The following DDX43 variants were observed in gnomAD, a reference collection of about 807,000 sequenced individuals.
The protein encoded by DDX43 is probable ATP-dependent RNA helicase DDX43.
Under a neutral mutation model 84.9 loss-of-function variants are expected in DDX43, and 50 were observed. The observed-to-expected ratio is 0.59, with a 90% CI of 0.47 to 0.75. The LOEUF (loss-of-function observed/expected upper bound fraction) is 0.75. Ranked by LOEUF, DDX43 falls within the 30% of genes least tolerant of loss-of-function variation. The pLI is 0.00. For synonymous variants in DDX43, 291 were observed against 266.3 expected (o/e 1.09, Z -0.90); for missense variants, 689 against 798.6 (o/e 0.86, Z 1.65).
In DDX43 at chr6:73,415,578, A is replaced by C; in HGVS notation, c.1827A>C (p.Ala609=). The change falls in exon 15 of 17, where the codon GCA becomes GCC. Residue 609 remains alanine, a synonymous_variant. Coordinates refer to ENST00000370336, the MANE Select transcript of DDX43 (RefSeq NM_018665.3). ...ASELINILER[A]NQSIPEELVS... ...AATTGATTAATATTCTGGAAAGAGC[A>C]AATCAGGTGAGACTATGCAATTCAT... 1 of 1,607,964 alleles carries C rather than the reference A, an allele frequency of 6.2e-7. No individual in the cohort carries two copies. The highest frequency in any genetic ancestry group is 8.5e-7 in the Non-Finnish European group (1 of 1,174,976).
At chr6:73,408,770 G>C (rs901562612) in intron 9 of DDX43, among the ~76,000 whole-genome samples, 1 of 151,978 alleles carries the variant, frequency 6.6e-6, no homozygotes, top group Non-Finnish European at 1.5e-5. Flanking sequence ...TGGCCAGGCT[G>C]GTCTTAAACT....
At chr6:73,415,690 A>T in intron 15 of DDX43, 106 bp downstream of exon 15, 1 of 798,648 alleles carries the variant, frequency 1.3e-6, no homozygotes, top group Non-Finnish European at 2.0e-6. Flanking sequence ...ATAAGTTTTC[A>T]TCACGTTTTG....
intron 10 of DDX43, among the ~76,000 whole-genome samples, chr6:73,411,787 T>C (rs1769789329): frequency 1.3e-5 from 2 of 152,154 alleles, no homozygotes; most frequent in Non-Finnish European, 2.9e-5. Flanking sequence ...AACCTCCGCC[T>C]CCTGGGCTCA....
In DDX43 at chr6:73,394,894, C is replaced by T; in HGVS notation, c.-12C>T. 6.2e-7 allele frequency: 1 copy of T among 1,613,574 alleles called. No homozygotes were observed. The highest frequency in any genetic ancestry group is 8.5e-7 in the Non-Finnish European group (1 of 1,179,594). ...GACGGCAACGACGTCGGACGCGCCC[C>T]TTCTTGGAACAATGTCCCACCACGG... On this transcript the variant is annotated 5_prime_UTR_variant, in exon 1 of 17. Transcript: ENST00000370336.
intron 10 of DDX43, among the ~76,000 whole-genome samples, chr6:73,411,956 C>T (rs1345185822): frequency 6.6e-6 from 1 of 151,956 alleles, no homozygotes; most frequent in African/African-American, 2.4e-5. Flanking sequence ...CCTTGGCCTC[C>T]CGAAGTGCTG....
chr6:73,414,441 A>T, intron 13 of DDX43, 107 bp from the exon 14 acceptor site: 1 of 991,364 alleles, frequency 1.0e-6, no homozygotes, highest in Non-Finnish European at 1.5e-6. Flanking sequence ...TTTAATGTAA[A>T]CAGTAAGAAA....
intron 1 of DDX43, among the ~76,000 whole-genome samples, chr6:73,396,281 T>G (rs1339509926): frequency 6.6e-6 from 1 of 152,196 alleles, no homozygotes; most frequent in Non-Finnish European, 1.5e-5. Context: ...TAAAAATGAT[T>G]AGAATGATTA....
chr6:73,414,228 C>T (rs942436540), intron 13 of DDX43, 149 bp downstream of exon 13: 1 of 608,338 alleles, frequency 1.6e-6, no homozygotes, highest in East Asian at 2.8e-5. Flanking sequence ...GAGCTCTAAA[C>T]ATTAATCTGC....
At chr6:73,399,773 C>T (rs547135175) in intron 2 of DDX43, among the ~76,000 whole-genome samples, 1 of 152,120 alleles carries the variant, frequency 6.6e-6, no homozygotes, top group Non-Finnish European at 1.5e-5. Flanking sequence ...GATAGAATCC[C>T]ATCAAGTTAA....
intron 1 of DDX43, among the ~76,000 whole-genome samples, chr6:73,397,262 A>T (rs1412143856): frequency 6.6e-6 from 1 of 152,204 alleles, no homozygotes; most frequent in Non-Finnish European, 1.5e-5. Context: ...GTGAGGTGAC[A>T]ATCATTTTGT....
intron 1 of DDX43, 37 bp from the exon 2 acceptor site, chr6:73,397,652 A>C (rs1769497971): frequency 6.5e-7 from 1 of 1,535,496 alleles, no homozygotes; most frequent in Non-Finnish European, 9.0e-7. Context: ...TACTAATTTC[A>C]ACTTATAACA....
chr6:73,415,629 TCA>T (rs1232392435), intron 15 of DDX43, 45 bp downstream of exon 15: 2 of 1,402,906 alleles, frequency 1.4e-6, no homozygotes. Flanking sequence ...TATCAGTATC[TCA>T]GTCAGTTATG....
intron 4 of DDX43, among the ~76,000 whole-genome samples, chr6:73,402,847 G>A (rs1769602109): frequency 1.3e-5 from 2 of 152,280 alleles, no homozygotes; most frequent in South Asian, 4.1e-4. Context: ...CCAAAGTGCT[G>A]GGATTACAGG....
rs1769435607 is a variant in DDX43 at position 73,395,032 on chromosome 6, T to TA, written c.128dup (p.Tyr43Ter). 6.2e-7 allele frequency: 1 copy of TA among 1,614,018 alleles called. No homozygotes were observed. Among genetic ancestry groups the TA allele is most frequent in the Non-Finnish European group, 8.5e-7 (1 of 1,180,020 alleles). Reference protein sequence around the residue: ...EELNRTGPEGYSVGRGGRWRG... With the variant: ...EELNRTGPEG ...GTTGAATCGAACAGGTCCTGAGGGA[T>TA]ATAGTGTCGGCAGAGGTGGTCGCTG... Residue 43 changes from tyrosine to a stop codon, truncating the protein, a stop_gained and frameshift_variant, in exon 1 of 17, where the codon TAT (tyrosine) becomes TAAT (stop). Coordinates refer to ENST00000370336, the MANE Select transcript of DDX43 (RefSeq NM_018665.3). LOFTEE classifies it high-confidence loss of function.
In DDX43 at chr6:73,416,222, A is replaced by G. The variant is rs1304303437; in HGVS notation, c.1943A>G (p.His648Arg). The G allele has an allele frequency of 6.5e-7, 1 of 1,537,786 alleles. No homozygotes were observed. The highest frequency in any genetic ancestry group is 9.0e-7 in the Non-Finnish European group (1 of 1,110,534). Residue 648 changes from histidine (H) to arginine (R), a missense_variant, in exon 16 of 17, where the codon CAT (histidine) becomes CGT (arginine). Coordinates refer to ENST00000370336, the MANE Select transcript of DDX43 (RefSeq NM_018665.3). ...ERPQGRPKKF[H>R] is the part of the protein sequence containing the mutation. ...CCTCAAGGAAGGCCCAAGAAGTTTC[A>G]TTAATGTCTTCTGTACTAGTGGGGT...
chr6:73,394,846 C>G lies in DDX43; in HGVS notation c.-60C>G. 1.9e-6 allele frequency: 3 copies of G among 1,583,560 alleles called. No homozygotes were observed. The highest frequency in any genetic ancestry group is 2.6e-6 in the Non-Finnish European group (3 of 1,164,492). ...CCCTGGCACGCTACTCTTACGACGT[C>G]ACGGTCAGGTGGTGCAGAGCTGGAC... On this transcript the variant is annotated 5_prime_UTR_variant, in exon 1 of 17. Coordinates refer to ENST00000370336, the MANE Select transcript of DDX43 (RefSeq NM_018665.3).
At chr6:73,412,684 T>C (rs1177365272) in intron 11 of DDX43, among the ~76,000 whole-genome samples, 22 of 108,204 alleles carry the variant, frequency 2.0e-4, no homozygotes, top group Non-Finnish European at 3.2e-4. Context: ...CGCGCGTGTG[T>C]GTGTGTGCGC....
At chr6:73,414,439 A>G in intron 13 of DDX43, 109 bp from the exon 14 acceptor site, 1 of 983,302 alleles carries the variant, frequency 1.0e-6, no homozygotes, top group Non-Finnish European at 1.5e-6. Context: ...ATTTTAATGT[A>G]AACAGTAAGA....
intron 10 of DDX43, among the ~76,000 whole-genome samples, chr6:73,411,720 G>A (rs938452203): frequency 6.6e-6 from 1 of 152,008 alleles, no homozygotes; most frequent in Admixed American, 6.6e-5. Flanking sequence ...TTTATGAGAC[G>A]GAGTTTCGCT....
Sources: gnomAD v4.1 joint callset for allele counts (sites outside exome capture counted in the v4.1 genomes callset) on GRCh38, gnomAD v4.1.1 for gene constraint, MANE v1.5 for transcripts, NCBI Gene and HGNC (gene_info 2026-07-23, HGNC 2026-07-21) for gene names.